The following CLSTN2 variants were observed in gnomAD, a reference collection of about 807,000 sequenced individuals.
CLSTN2 encodes calsyntenin 2, also known as calsyntenin-2.
CLSTN2 carries 48 observed loss-of-function variants against 101.2 expected under a neutral mutation model. The observed-to-expected ratio is 0.47, with a 90% CI of 0.38 to 0.60. The LOEUF (loss-of-function observed/expected upper bound fraction) is 0.60, where lower values mean the gene tolerates loss of function less well. Among genes scored for constraint, CLSTN2 ranks in the 20% least tolerant of loss-of-function variants. CLSTN2 has a pLI of 0.00. For missense variants in CLSTN2, 1,160 were observed against 1,238.2 expected (o/e 0.94, Z 0.95); for synonymous variants, 481 against 463.6 (o/e 1.04, Z -0.48).
At chr3:140,231,586 G>A (rs369651985) in intron 2 of CLSTN2, among the ~76,000 whole-genome samples, 1 of 152,280 alleles carries the variant, frequency 6.6e-6, no homozygotes, top group East Asian at 1.9e-4. Flanking sequence ...GCACTCGATA[G>A]AGGCCTGTAT....
At chr3:140,289,226 G>A (rs1045035307) in intron 2 of CLSTN2, among the ~76,000 whole-genome samples, 2 of 152,132 alleles carry the variant, frequency 1.3e-5, no homozygotes, top group Admixed American at 1.3e-4. Flanking sequence ...GGAAACTGAG[G>A]CAGAGGTTCT....
At chr3:140,262,214 T>A (rs1402242047) in intron 2 of CLSTN2, among the ~76,000 whole-genome samples, 1 of 152,184 alleles carries the variant, frequency 6.6e-6, no homozygotes, top group Admixed American at 6.6e-5. Context: ...AAAAAAAGTA[T>A]AAACTAGAAG....
intron 2 of CLSTN2, among the ~76,000 whole-genome samples, chr3:140,260,158 T>A (rs116338606): frequency 0.041 from 6,011 of 146,756 alleles, 334 homozygotes; most frequent in African/African-American, 0.12. Flanking sequence ...ATATATATAT[T>A]ATATATAAAA....
intron 2 of CLSTN2, among the ~76,000 whole-genome samples, chr3:140,248,647 C>G (rs189808867): frequency 7.9e-5 from 12 of 152,262 alleles, no homozygotes; most frequent in Admixed American, 3.3e-4. Flanking sequence ...GATCCACAGG[C>G]GTGGAGGCCT....
chr3:139,945,285 G>A (rs917795915), intron 1 of CLSTN2, among the ~76,000 whole-genome samples: 1 of 152,112 alleles, frequency 6.6e-6, no homozygotes, highest in Admixed American at 6.5e-5. Context: ...CAGCCCCTCT[G>A]GGTGTGAGTC....
chr3:139,988,096 A>G (rs1311402577), intron 1 of CLSTN2, among the ~76,000 whole-genome samples: 1 of 152,176 alleles, frequency 6.6e-6, no homozygotes. Context: ...CTTAATGGGA[A>G]TGCTGCTTTT....
At chr3:140,202,707 G>A (rs904202200) in intron 2 of CLSTN2, among the ~76,000 whole-genome samples, 5 of 152,172 alleles carry the variant, frequency 3.3e-5, no homozygotes, top group African/African-American at 1.2e-4. Flanking sequence ...AGAAGAGATA[G>A]GATGAGAAAA....
intron 1 of CLSTN2, among the ~76,000 whole-genome samples, chr3:140,047,529 A>G (rs1403951582): frequency 3.3e-5 from 5 of 152,122 alleles, no homozygotes; most frequent in African/African-American, 1.2e-4. Flanking sequence ...GTCTTAGTTC[A>G]TTTTCTGTTG....
intron 1 of CLSTN2, among the ~76,000 whole-genome samples, chr3:139,986,105 G>A (rs1936016412): frequency 6.6e-6 from 1 of 152,076 alleles, no homozygotes; most frequent in Non-Finnish European, 1.5e-5. Context: ...GTAACCTTGG[G>A]AGGCAGATTG....
chr3:140,227,506 G>A (rs1314831894), intron 2 of CLSTN2, among the ~76,000 whole-genome samples: 1 of 152,204 alleles, frequency 6.6e-6, no homozygotes, highest in South Asian at 2.1e-4. Context: ...CAGGTGCACA[G>A]TGCAAGCTCT....
intron 2 of CLSTN2, among the ~76,000 whole-genome samples, chr3:140,183,287 C>A (rs1176501485): frequency 1.3e-5 from 2 of 152,194 alleles, no homozygotes; most frequent in African/African-American, 4.8e-5. Flanking sequence ...GGGAGACAGA[C>A]TATCCTGGTT....
At chr3:140,230,578 C>T (rs1159436126) in intron 2 of CLSTN2, among the ~76,000 whole-genome samples, 1 of 152,196 alleles carries the variant, frequency 6.6e-6, no homozygotes, top group Non-Finnish European at 1.5e-5. Flanking sequence ...GAGAGACTCC[C>T]ATCCTTTCCA....
intron 1 of CLSTN2, among the ~76,000 whole-genome samples, chr3:139,999,427 G>A (rs1292542681): frequency 6.6e-6 from 1 of 152,012 alleles, no homozygotes; most frequent in African/African-American, 2.4e-5. Flanking sequence ...GGGGAACCTG[G>A]GAATGGGGAA....
intron 2 of CLSTN2, among the ~76,000 whole-genome samples, chr3:140,277,877 A>G (rs2086809620): frequency 6.6e-6 from 1 of 152,252 alleles, no homozygotes; most frequent in African/African-American, 2.4e-5. Context: ...AAGAGGAAAT[A>G]AACAATACAT....
At chr3:140,502,797 A>C (rs1211272012) in intron 8 of CLSTN2, among the ~76,000 whole-genome samples, 1 of 152,220 alleles carries the variant, frequency 6.6e-6, no homozygotes, top group African/African-American at 2.4e-5. Context: ...CAGTTTGTGT[A>C]GAGAAGCAAG....
At chr3:140,459,012 C>T (rs894052109) in intron 6 of CLSTN2, among the ~76,000 whole-genome samples, 1 of 152,168 alleles carries the variant, frequency 6.6e-6, no homozygotes, top group South Asian at 2.1e-4. Flanking sequence ...GGATCTAGAA[C>T]TTTCCCCAAT....
intron 1 of CLSTN2, among the ~76,000 whole-genome samples, chr3:139,949,252 G>A (rs1935256640): frequency 6.6e-6 from 1 of 152,284 alleles, no homozygotes; most frequent in African/African-American, 2.4e-5. Flanking sequence ...CTCAGACTCG[G>A]TCTAACGCTA....
chr3:140,278,140 A>G (rs1197248863), intron 2 of CLSTN2, among the ~76,000 whole-genome samples: 2 of 152,168 alleles, frequency 1.3e-5, no homozygotes, highest in Admixed American at 1.3e-4. Flanking sequence ...TCCTCTATGT[A>G]CTTTGTATTC....
intron 2 of CLSTN2, among the ~76,000 whole-genome samples, chr3:140,249,031 A>G (rs1049983971): frequency 6.6e-6 from 1 of 151,960 alleles, no homozygotes; most frequent in Non-Finnish European, 1.5e-5. Flanking sequence ...TGGAGGGAGG[A>G]CCCTGTAGGG....
Sources: gnomAD v4.1 joint callset for allele counts (sites outside exome capture counted in the v4.1 genomes callset) on GRCh38, gnomAD v4.1.1 for gene constraint, MANE v1.5 for transcripts, NCBI Gene and HGNC (gene_info 2026-07-23, HGNC 2026-07-21) for gene names.